Variants in COL20A1 observed in about 807,000 individuals in gnomAD.
The protein encoded by COL20A1 is collagen type XX alpha 1 chain, also known as collagen alpha-1(XX) chain.
A neutral mutation model predicts 152.9 loss-of-function variants in COL20A1; 164 were observed. That is an observed-to-expected ratio of 1.07 (90% CI 0.94 to 1.22). The LOEUF (loss-of-function observed/expected upper bound fraction) is 1.22, where lower values mean the gene tolerates loss of function less well. COL20A1 is among the 50% of genes most tolerant of loss of function. The pLI is 0.00. For synonymous variants in COL20A1, 864 were observed against 756.0 expected, an observed-to-expected ratio of 1.14 and a Z score of -2.34; for missense variants, 1,873 against 1,744.8, an observed-to-expected ratio of 1.07 and a Z score of -1.31.
Position 63,314,182 on chromosome 20 carries a change from G to A in COL20A1, c.2469G>A (p.Val823=). Residue 823 remains valine, a synonymous_variant, in exon 19 of 36, where the codon GTG becomes GTA. Transcript: ENST00000358894. ...AIYAAGRSEA[V]SATGQTACPA... ...ATGCAGCAGGCAGGAGTGAGGCTGT[G>A]TCTGCCACGGGCCAGACAGGTGAGT... 6.4e-7 allele frequency: 1 copy of A among 1,568,694 alleles called. No homozygotes were observed.
At chr20:63,318,652 G>A (rs934626070) in intron 21 of COL20A1, among the ~76,000 whole-genome samples, 7 of 152,164 alleles carry the variant, frequency 4.6e-5, no homozygotes, top group Non-Finnish European at 1.0e-4. Context: ...GGCCCCGGGA[G>A]CACGGGTCTT....
Position 63,319,544 on chromosome 20 carries a change from C to A in COL20A1, c.2864C>A (p.Ala955Asp). ...GACCCCAGGGCTGCCTTGCAGGAGG[C>A]CACCTTCGACCCGCAGGAAGTGAGG... ...HRDPRAALQEATFDPQEVRKI... is the reference protein window; with the variant it reads ...HRDPRAALQEDTFDPQEVRKI... Residue 955 changes from alanine to aspartate, a missense_variant, in exon 23 of 36, where the codon GCC becomes GAC. Physicochemically the swap from Ala to Asp is moderately radical, Grantham distance 126. Transcript: ENST00000358894. The surrounding 1 kb of genome is among the most constrained non-coding windows in gnomAD (Gnocchi z 4.4). The A allele has an allele frequency of 6.3e-7, 1 of 1,597,988 alleles. No homozygotes were observed. The highest frequency in any genetic ancestry group is 8.5e-7 in the Non-Finnish European group (1 of 1,173,046).
In COL20A1 at chr20:63,305,750, T is replaced by C. The variant is rs1277618943; in HGVS notation, c.338-131T>C. ...CAGCAAGGCTGCCTTGCCCCTGACA[T>C]CTTTGCATGCCTCCCAGGCTCCTGG... On this transcript the variant is annotated intron_variant, in intron 4 of 35. Transcript: ENST00000358894. This position sits in a 1 kb window ranked among gnomAD's most constrained non-coding sequence, Gnocchi z 4.9. 3.6e-6 allele frequency: 4 copies of C among 1,125,408 alleles called. No individual in the cohort carries two copies. In the Admixed American group the frequency reaches 9.0e-5, roughly 25 times the overall value. The allele number at this position is 1,125,408 out of a possible 1,614,324, so 69.7% of individuals were successfully genotyped here. A position where few individuals can be genotyped will look rare whatever the true frequency, so the allele number is the denominator to read the frequency against.
intron 1 of COL20A1, among the ~76,000 whole-genome samples, chr20:63,293,811 G>A (rs2067746598): frequency 6.6e-6 from 1 of 150,436 alleles, no homozygotes; most frequent in Non-Finnish European, 1.5e-5. Flanking sequence ...CCCGCCGGGT[G>A]AGGCCTTTCC....
rs780107515 is a variant in COL20A1 at position 63,313,923 on chromosome 20, C to T, written c.2358+32C>T. ...CTTGGTAGAGCCTGAGGCTGCCCCACCTCGTGGGGCCTCCTGGAAGGGGTA... is the reference window on the plus strand; with the variant it reads ...CTTGGTAGAGCCTGAGGCTGCCCCATCTCGTGGGGCCTCCTGGAAGGGGTA... On this transcript the variant is annotated intron_variant, in intron 18 of 35. Coordinates refer to ENST00000358894, the MANE Select transcript of COL20A1 (RefSeq NM_020882.4). This position sits in a 1 kb window ranked among gnomAD's most constrained non-coding sequence, Gnocchi z 5.9. The T allele has an allele frequency of 5.1e-6, 8 of 1,581,430 alleles. No homozygotes were observed. In the Admixed American group the frequency reaches 1.1e-4, roughly 21 times the overall value.
rs753868347 is a variant in COL20A1, at chr20:63,319,582, G to C, written c.2902G>C (p.Gly968Arg). Residue 968 changes from glycine (G) to arginine (R), a missense_variant, in exon 23 of 36, where the codon GGG (glycine) becomes CGG (arginine). Transcript: ENST00000358894. The surrounding 1 kb of genome is among the most constrained non-coding windows in gnomAD (Gnocchi z 4.4). ...DPQEVRKIFF[G>R]SFHKVHVAVG... ...GCAGGAAGTGAGGAAGATTTTCTTC[G>C]GGAGCTTCCACAAGGTCCTGGTGCA... 3 of 1,581,418 alleles carry C rather than the reference G, an allele frequency of 1.9e-6. No individual in the cohort carries two copies. Among genetic ancestry groups the C allele is most frequent in the South Asian group, 1.2e-5 (1 of 86,142 alleles).
rs1318469339 is a variant in COL20A1, at chr20:63,309,754, G to C, written c.1106-4G>C. The C allele has an allele frequency of 1.9e-6, 3 of 1,564,584 alleles. No homozygotes were observed. Among genetic ancestry groups the C allele is most frequent in the Non-Finnish European group, 2.6e-6 (3 of 1,158,022 alleles). On this transcript the variant is annotated splice_region_variant and splice_polypyrimidine_tract_variant and intron_variant, in intron 9 of 35. Coordinates refer to ENST00000358894, the MANE Select transcript of COL20A1 (RefSeq NM_020882.4). Reference sequence around the variant, plus strand: ...CCTGCCCCCCACTCCCGCTACTCCAGCAGCAGCGGCTCCAGCCCTGGACAC... The same window carrying C: ...CCTGCCCCCCACTCCCGCTACTCCACCAGCAGCGGCTCCAGCCCTGGACAC...
intron 10 of COL20A1, among the ~76,000 whole-genome samples, 193 bp from the exon 11 acceptor site, chr20:63,310,188 A>T (rs2067986215): frequency 6.6e-6 from 1 of 151,690 alleles, no homozygotes; most frequent in Non-Finnish European, 1.5e-5. Flanking sequence ...TCTCCCTTTG[A>T]TTGATCGATC....
chr20:63,321,160 C>A, intron 26 of COL20A1, 61 bp downstream of exon 26: 1 of 1,158,182 alleles, frequency 8.6e-7, no homozygotes, highest in Non-Finnish European at 1.3e-6. Flanking sequence ...ATTGCTGCCA[C>A]TGGTGGATGT....
chr20:63,297,078 C>T (rs575918947), intron 2 of COL20A1, among the ~76,000 whole-genome samples: 6 of 152,352 alleles, frequency 3.9e-5, no homozygotes, highest in South Asian at 4.1e-4. Flanking sequence ...TTGGCATGGA[C>T]GCACACATGT....
At position 63,328,045 on chromosome 20, in the gene COL20A1, A is replaced by C. The variant is rs370710352; in HGVS notation, c.3565-34A>C. 5 of 1,613,322 alleles carry C rather than the reference A, an allele frequency of 3.1e-6. No individual in the cohort carries two copies. The East Asian group carries it at 1.1e-4, about 36-fold the overall frequency. On this transcript the variant is annotated intron_variant, in intron 32 of 35. Transcript: ENST00000358894. ...GATCTCCTGGGAAGGCACCTGCCAC[A>C]CGGGTCCCAAAGCTGCACCACCTTC...
chr20:63,313,858 C>T lies in COL20A1; in HGVS notation c.2325C>T (p.Tyr775=), dbSNP rs144975793. The change falls in exon 18 of 36, where the codon TAC becomes TAT. Residue 775 remains tyrosine, a synonymous_variant. Transcript: ENST00000358894. The surrounding 1 kb of genome is among the most constrained non-coding windows in gnomAD (Gnocchi z 5.9). ...GCGTGCTCCATTACTGGCTCACCTA[C>T]GCCCCCGCCTCTGGCTTGGGACCCG... is the stretch of plus-strand genomic sequence containing the variant. ...LGRVLHYWLT[Y]APASGLGPEK... The T allele has an allele frequency of 3.7e-5, 59 of 1,607,738 alleles. No homozygotes were observed. In the African/African-American group the frequency reaches 4.3e-4, roughly 12 times the overall value.
intron 10 of COL20A1, 23 bp from the exon 11 acceptor site, chr20:63,310,358 C>G (rs371690540): frequency 6.2e-7 from 1 of 1,609,692 alleles, no homozygotes; most frequent in South Asian, 1.1e-5. Context: ...TTCCTGGCTC[C>G]GTCCTTGCCC....
At chr20:63,299,226 G>T (rs557105404) in intron 3 of COL20A1, among the ~76,000 whole-genome samples, 1 of 152,208 alleles carries the variant, frequency 6.6e-6, no homozygotes, top group African/African-American at 2.4e-5. Flanking sequence ...TCTGGTGTCC[G>T]TGCGCCTGTT....
intron 27 of COL20A1, among the ~76,000 whole-genome samples, chr20:63,323,010 C>T (rs1340430333): frequency 6.6e-6 from 1 of 152,256 alleles, no homozygotes; most frequent in African/African-American, 2.4e-5. Flanking sequence ...TGTCCCCACA[C>T]TGGCCCGGCA....
rs963262986 is a variant in COL20A1 at position 63,306,411 on chromosome 20, C to A, written c.496+372C>A. Among the ~76,000 whole-genome samples the A allele has an allele frequency of 1.3e-5, 2 of 152,276 alleles. No homozygotes were observed. Among genetic ancestry groups the A allele is most frequent in the African/African-American group, 4.8e-5 (2 of 41,474 alleles). ...GGTCTCTGGCTTTAACTTAAAGTTG[C>A]CATGTTCCCAGGTTCACTCAAGCCA... On this transcript the variant is annotated intron_variant, in intron 5 of 35. Coordinates refer to ENST00000358894, the MANE Select transcript of COL20A1 (RefSeq NM_020882.4). The surrounding 1 kb of genome is among the most constrained non-coding windows in gnomAD (Gnocchi z 6.9).
Position 63,320,336 on chromosome 20 carries a change from G to T in COL20A1, c.3121G>T (p.Asp1041Tyr), listed in dbSNP as rs375718406. 4 of 1,611,274 alleles carry T rather than the reference G, an allele frequency of 2.5e-6. No individual in the cohort carries two copies. The South Asian group carries it at 3.3e-5, about 13-fold the overall frequency. The change falls in exon 25 of 36, where the codon GAT becomes TAT. Residue 1041 changes from aspartate to tyrosine, a missense_variant. Coordinates refer to ENST00000358894, the MANE Select transcript of COL20A1 (RefSeq NM_020882.4). ...GATCGTGTGCAGTGACACCTGGGCC[G>T]ATGAGGACCGGTGCTGTGAGCTCCC... is the stretch of plus-strand genomic sequence containing the variant. ...LQIVCSDTWA[D>Y]EDRCCELPAS...
intron 30 of COL20A1, 25 bp downstream of exon 30, chr20:63,326,174 C>A (rs951402144): frequency 6.3e-7 from 1 of 1,588,914 alleles, no homozygotes. Flanking sequence ...CCCATGACCC[C>A]GACCCCCACC....
chr20:63,299,889 CGTGTGT>C (rs372227312), intron 3 of COL20A1, among the ~76,000 whole-genome samples: 2 of 147,942 alleles, frequency 1.4e-5, no homozygotes, highest in Non-Finnish European at 3.0e-5. Flanking sequence ...TATATATGTA[CGTGTGT>C]GTGTGTGTGT....
Sources: gnomAD v4.1 joint callset for allele counts (sites outside exome capture counted in the v4.1 genomes callset) on GRCh38, gnomAD v4.1.1 for gene constraint, Gnocchi (gnomAD v3.1) non-coding constraint, MANE v1.5 for transcripts, NCBI Gene and HGNC (gene_info 2026-07-23, HGNC 2026-07-21) for gene names.